GMDS: variants seen among roughly 807,000 people sequenced by gnomAD.
GMDS encodes the protein GDP-mannose 4,6 dehydratase.
GMDS carries 20 observed loss-of-function variants against 49.9 expected under a neutral mutation model. That is an observed-to-expected ratio of 0.40 (90% CI 0.28 to 0.58). The LOEUF (loss-of-function observed/expected upper bound fraction) is 0.58, where lower values mean the gene tolerates loss of function less well. GMDS is among the 20% of genes least tolerant of loss of function. GMDS has a pLI of 0.42. For missense variants in GMDS, 362 were observed against 481.4 expected, an observed-to-expected ratio of 0.75 and a Z score of 2.32; for synonymous variants, 177 against 178.6, an observed-to-expected ratio of 0.99 and a Z score of 0.07.
intron 7 of GMDS, among the ~76,000 whole-genome samples, chr6:1,856,219 C>A (rs1757932355): frequency 6.6e-6 from 1 of 152,150 alleles, no homozygotes; most frequent in Non-Finnish European, 1.5e-5. Context: ...AATACCCTAA[C>A]TTTTTTCATC....
chr6:1,788,009 C>A (rs1769389340), intron 7 of GMDS, among the ~76,000 whole-genome samples: 1 of 152,080 alleles, frequency 6.6e-6, no homozygotes, highest in Non-Finnish European at 1.5e-5. Flanking sequence ...CCACTGCCCA[C>A]CGTGCAGCCT....
rs528397230 is a variant in GMDS at position 1,675,014 on chromosome 6, T to C, written c.988-50474A>G. On this transcript the variant is annotated intron_variant, in intron 9 of 10. Transcript: ENST00000380815. ...GTGCAATGATGCGATCTCGGCTCACTGCAACCTCCACCTCCCAGGTTCAAG... is the reference window on the plus strand; with the variant it reads ...GTGCAATGATGCGATCTCGGCTCACCGCAACCTCCACCTCCCAGGTTCAAG... Among the ~76,000 whole-genome samples the C allele has an allele frequency of 8.2e-3, 1,242 of 152,234 alleles. 19 individuals are homozygous for C. Among genetic ancestry groups the C allele is most frequent in the African/African-American group, 0.028 (1,179 of 41,534 alleles).
intron 6 of GMDS, among the ~76,000 whole-genome samples, chr6:1,944,736 T>C (rs1762993744): frequency 6.6e-6 from 1 of 150,918 alleles, no homozygotes; most frequent in Admixed American, 6.6e-5. Context: ...TATTGGCTTA[T>C]AGCCACCCAG....
chr6:1,666,433 C>T (rs527455500), intron 9 of GMDS, among the ~76,000 whole-genome samples: 1 of 152,258 alleles, frequency 6.6e-6, no homozygotes, highest in Non-Finnish European at 1.5e-5. Context: ...CTTCCTCTAC[C>T]CTCTCAGCCT....
intron 7 of GMDS, among the ~76,000 whole-genome samples, chr6:1,929,152 C>G (rs1762167804): frequency 6.6e-6 from 1 of 152,144 alleles, no homozygotes. Context: ...TCTGCACTAG[C>G]AAACAAACTA....
chr6:1,857,040 C>CT (rs1314406361), intron 7 of GMDS, among the ~76,000 whole-genome samples: 1 of 152,330 alleles, frequency 6.6e-6, no homozygotes, highest in African/African-American at 2.4e-5. Flanking sequence ...ATTTCTACCT[C>CT]TATCAAGAGT....
intron 7 of GMDS, among the ~76,000 whole-genome samples, chr6:1,922,868 C>G (rs1231093814): frequency 2.0e-5 from 3 of 152,230 alleles, no homozygotes; most frequent in Non-Finnish European, 4.4e-5. Flanking sequence ...TCAGCTGCGT[C>G]CCCTTTCAAA....
chr6:1,803,649 G>C (rs1770043898), intron 7 of GMDS, among the ~76,000 whole-genome samples: 1 of 152,146 alleles, frequency 6.6e-6, no homozygotes, highest in East Asian at 1.9e-4. Context: ...TTAGGCTCTA[G>C]AGATGCCAGG....
chr6:2,025,089 T>A (rs912020831), intron 4 of GMDS, among the ~76,000 whole-genome samples: 1 of 152,010 alleles, frequency 6.6e-6, no homozygotes, highest in African/African-American at 2.4e-5. Flanking sequence ...ATTTTGATAC[T>A]TTGTAGGAAT....
chr6:1,826,296 C>T (rs1771107736), intron 7 of GMDS, among the ~76,000 whole-genome samples: 2 of 152,176 alleles, frequency 1.3e-5, no homozygotes, highest in South Asian at 2.1e-4. Context: ...GGTATCAACA[C>T]TGTATATGTG....
chr6:2,038,092 C>A (rs1390086949), intron 4 of GMDS, among the ~76,000 whole-genome samples: 1 of 152,046 alleles, frequency 6.6e-6, no homozygotes, highest in Non-Finnish European at 1.5e-5. Flanking sequence ...ACTAGCTCAC[C>A]AAAGCGCCCT....
chr6:1,760,582 C>T (rs1768120372), intron 7 of GMDS, among the ~76,000 whole-genome samples: 1 of 152,174 alleles, frequency 6.6e-6, no homozygotes, highest in African/African-American at 2.4e-5. Flanking sequence ...ACCGCCCACC[C>T]TTGAGCGCCT....
At chr6:1,841,752 A>G (rs891956406) in intron 7 of GMDS, among the ~76,000 whole-genome samples, 1 of 152,136 alleles carries the variant, frequency 6.6e-6, no homozygotes, top group African/African-American at 2.4e-5. Context: ...CACAGATAGG[A>G]AGGGAGGAAG....
chr6:1,702,090 A>G (rs1765562394), intron 9 of GMDS, among the ~76,000 whole-genome samples: 1 of 152,232 alleles, frequency 6.6e-6, no homozygotes, highest in Non-Finnish European at 1.5e-5. Flanking sequence ...TAAGACAAGG[A>G]AAGTTTGGAA....
At chr6:2,105,099 G>T (rs554721976) in intron 4 of GMDS, among the ~76,000 whole-genome samples, 2 of 150,050 alleles carry the variant, frequency 1.3e-5, no homozygotes, top group Non-Finnish European at 3.0e-5. Context: ...GGAGAATGGC[G>T]TGAACCCGGG....
intron 7 of GMDS, among the ~76,000 whole-genome samples, chr6:1,745,959 A>T (rs1467122405): frequency 6.6e-6 from 1 of 152,192 alleles, no homozygotes; most frequent in Admixed American, 6.5e-5. Flanking sequence ...ATGCTAGATC[A>T]TGTCCAGGAG....
chr6:1,693,546 T>C (rs1401085203), intron 9 of GMDS, among the ~76,000 whole-genome samples: 2 of 152,250 alleles, frequency 1.3e-5, no homozygotes, highest in African/African-American at 4.8e-5. Context: ...TTGCCTGACA[T>C]CCAGTGTGTA....
At chr6:1,725,371 G>C (rs551765421) in intron 9 of GMDS, among the ~76,000 whole-genome samples, 2 of 152,048 alleles carry the variant, frequency 1.3e-5, no homozygotes, top group African/African-American at 4.8e-5. Context: ...TTAGAAATTC[G>C]CCCATCCATC....
intron 1 of GMDS, among the ~76,000 whole-genome samples, chr6:2,158,531 T>C (rs983397259): frequency 2.0e-5 from 3 of 152,224 alleles, no homozygotes; most frequent in Non-Finnish European, 2.9e-5. Context: ...ATCAGTTAAA[T>C]GGAAGTGATA....
Sources: allele counts gnomAD v4.1 joint callset (sites outside exome capture counted in the v4.1 genomes callset), GRCh38; gene constraint gnomAD v4.1.1; transcripts MANE v1.5; gene names NCBI Gene and HGNC (gene_info 2026-07-23, HGNC 2026-07-21).